The following ARHGAP15 variants were observed in gnomAD, a reference collection of about 807,000 sequenced individuals.
The protein encoded by ARHGAP15 is Rho GTPase activating protein 15.
A neutral mutation model predicts 63.7 loss-of-function variants in ARHGAP15; 51 were observed. The ratio of observed to expected loss-of-function variants is 0.80; its 90% CI spans 0.64 to 1.01. The LOEUF (loss-of-function observed/expected upper bound fraction) is 1.01. Ranked by LOEUF, ARHGAP15 falls within the 50% of genes least tolerant of loss-of-function variation. The pLI is 0.00. For missense variants in ARHGAP15, 560 were observed against 564.6 expected, an observed-to-expected ratio of 0.99 and a Z score of 0.08; for synonymous variants, 191 against 193.8, an observed-to-expected ratio of 0.99 and a Z score of 0.12.
intron 6 of ARHGAP15, among the ~76,000 whole-genome samples, chr2:143,391,754 A>G (rs1187868286): frequency 2.0e-5 from 3 of 152,206 alleles, no homozygotes; most frequent in Admixed American, 6.5e-5. Context: ...GAACAGCCGA[A>G]GAAGACCCAA....
At position 143,624,306 on chromosome 2, in the gene ARHGAP15, C is replaced by G. The variant is rs760039824; in HGVS notation, c.1138+39C>G. On this transcript the variant is annotated intron_variant, in intron 12 of 13. Coordinates refer to ENST00000295095, the MANE Select transcript of ARHGAP15 (RefSeq NM_018460.4). Reference sequence around the variant, plus strand: ...AGAAAAGGGCAGGTGGTAGAATAACCTGACATCCTGGAATTATTAAGTAAA... The same window carrying G: ...AGAAAAGGGCAGGTGGTAGAATAACGTGACATCCTGGAATTATTAAGTAAA... 36 of 1,574,408 alleles carry G rather than the reference C, an allele frequency of 2.3e-5. 1 individual carries two copies. In the Admixed American group the frequency reaches 4.7e-4, roughly 21 times the overall value.
chr2:143,321,299 G>A (rs570194803), intron 6 of ARHGAP15, among the ~76,000 whole-genome samples: 1 of 152,356 alleles, frequency 6.6e-6, no homozygotes, highest in South Asian at 2.1e-4. Context: ...TATATTGCAA[G>A]TGACAAAAGC....
At chr2:143,192,538 T>C (rs1170622726) in intron 2 of ARHGAP15, among the ~76,000 whole-genome samples, 5 of 152,238 alleles carry the variant, frequency 3.3e-5, no homozygotes, top group Non-Finnish European at 7.3e-5. Context: ...TTCTTACTTA[T>C]GTCTGTCTGC....
chr2:143,422,185 A>G lies in ARHGAP15; in HGVS notation c.475-13416A>G, dbSNP rs138463880. ...ATGCTGTGAGCCTCAAGGGTAGCAGATTACAAACCCAATACTGGTTCTCAT... is the reference window on the plus strand; with the variant it reads ...ATGCTGTGAGCCTCAAGGGTAGCAGGTTACAAACCCAATACTGGTTCTCAT... On this transcript the variant is annotated intron_variant, in intron 6 of 13. Coordinates refer to ENST00000295095, the MANE Select transcript of ARHGAP15 (RefSeq NM_018460.4). 5.2e-3 allele frequency among the ~76,000 whole-genome samples: 791 copies of G among 152,226 alleles called. 4 individuals carry two copies. Among genetic ancestry groups the G allele is most frequent in the African/African-American group, 0.018 (763 of 41,538 alleles).
intron 8 of ARHGAP15, among the ~76,000 whole-genome samples, chr2:143,439,599 T>C (rs1458078961): frequency 6.6e-6 from 1 of 151,722 alleles, no homozygotes; most frequent in Non-Finnish European, 1.5e-5. Flanking sequence ...GCTTGTCTTA[T>C]AGCAATACAT....
intron 11 of ARHGAP15, among the ~76,000 whole-genome samples, chr2:143,596,109 A>G (rs988022322): frequency 1.3e-5 from 2 of 152,128 alleles, no homozygotes; most frequent in African/African-American, 4.8e-5. Context: ...ATTATGTGGC[A>G]TGTAGATTCT....
chr2:143,749,870 G>A (rs79603441), intron 13 of ARHGAP15, among the ~76,000 whole-genome samples: 2,369 of 152,270 alleles, frequency 0.016, 52 homozygotes, highest in African/African-American at 0.054. Flanking sequence ...CTAGAGTTGA[G>A]TCCCTGGTTC....
At chr2:143,587,859 A>G in intron 11 of ARHGAP15, 1 of 405,872 alleles carries the variant, frequency 2.5e-6, no homozygotes, top group Non-Finnish European at 5.1e-6. Flanking sequence ...AATCCCTAGT[A>G]TTGAGTGATA....
At chr2:143,572,322 A>G (rs1696494190) in intron 11 of ARHGAP15, among the ~76,000 whole-genome samples, 2 of 151,600 alleles carry the variant, frequency 1.3e-5, no homozygotes, top group Admixed American at 1.3e-4. Context: ...CCCTGTCCTC[A>G]CCCCTGACAC....
rs113398316 is a variant in ARHGAP15 at position 143,679,647 on chromosome 2, G to A, written c.1139-23772G>A. On this transcript the variant is annotated intron_variant, in intron 12 of 13. Coordinates refer to ENST00000295095, the MANE Select transcript of ARHGAP15 (RefSeq NM_018460.4). ...GTTTATTTCTTGAATGAGGGGGTGC[G>A]TGTGTGCGTGTGTGTGTGTGTGTGT... Among the ~76,000 whole-genome samples, 512 of 26,800 alleles carry A rather than the reference G, an allele frequency of 0.019. 2 individuals are homozygous for A. The Non-Finnish European group carries it at 0.25, about 13-fold the overall frequency. 17.6% of individuals were successfully genotyped at this position (26,800 alleles called of 152,430 possible).
intron 11 of ARHGAP15, among the ~76,000 whole-genome samples, chr2:143,565,987 T>A (rs1051382376): frequency 6.6e-6 from 1 of 152,180 alleles, no homozygotes; most frequent in Admixed American, 6.5e-5. Context: ...AGGTGCCCCA[T>A]GTACTTTGGA....
intron 8 of ARHGAP15, among the ~76,000 whole-genome samples, chr2:143,452,902 T>C (rs2105137746): frequency 1.3e-5 from 2 of 152,100 alleles, no homozygotes; most frequent in Middle Eastern, 6.8e-3. Flanking sequence ...ATTCTAAAAA[T>C]ATTTGGCATA....
intron 11 of ARHGAP15, among the ~76,000 whole-genome samples, chr2:143,568,940 A>G (rs1696342732): frequency 6.6e-6 from 1 of 152,178 alleles, no homozygotes; most frequent in Non-Finnish European, 1.5e-5. Flanking sequence ...ACATGTTCTC[A>G]CTCATAGGTG....
intron 11 of ARHGAP15, among the ~76,000 whole-genome samples, chr2:143,569,009 G>T (rs1242878880): frequency 6.6e-6 from 1 of 152,118 alleles, no homozygotes; most frequent in Non-Finnish European, 1.5e-5. Flanking sequence ...ACCAGGGCCT[G>T]TCATAGGATG....
At chr2:143,288,620 CA>C (rs1574217730) in intron 6 of ARHGAP15, among the ~76,000 whole-genome samples, 1 of 114,992 alleles carries the variant, frequency 8.7e-6, no homozygotes, top group Admixed American at 9.9e-5. Flanking sequence ...TTCCTCGGGA[CA>C]CTTTTTTTTT....
chr2:143,360,219 TAAAAA>T (rs34612735), intron 6 of ARHGAP15, among the ~76,000 whole-genome samples: 48 of 137,946 alleles, frequency 3.5e-4, no homozygotes, highest in Admixed American at 1.7e-3. Flanking sequence ...TACAAGGAAT[TAAAAA>T]AAAAAAAAAA....
chr2:143,131,721 G>A (rs1688923025), intron 1 of ARHGAP15, among the ~76,000 whole-genome samples: 1 of 152,044 alleles, frequency 6.6e-6, no homozygotes, highest in Non-Finnish European at 1.5e-5. Flanking sequence ...TCCTAGCCAG[G>A]CCTCCCTTTC....
At chr2:143,481,417 T>C (rs976186311) in intron 8 of ARHGAP15, among the ~76,000 whole-genome samples, 1 of 151,398 alleles carries the variant, frequency 6.6e-6, no homozygotes, top group Non-Finnish European at 1.5e-5. Context: ...AAAAAAAAAA[T>C]AATAACAACA....
chr2:143,537,946 T>C (rs1390653032), intron 10 of ARHGAP15, among the ~76,000 whole-genome samples: 3 of 152,096 alleles, frequency 2.0e-5, no homozygotes, highest in Admixed American at 6.5e-5. Context: ...GGGGATGGCA[T>C]TGAATCTATA....
Sources: gnomAD v4.1 joint callset for allele counts (sites outside exome capture counted in the v4.1 genomes callset) on GRCh38, gnomAD v4.1.1 for gene constraint, MANE v1.5 for transcripts, NCBI Gene and HGNC (gene_info 2026-07-23, HGNC 2026-07-21) for gene names.